The following PRDM16 variants were observed in gnomAD, a reference collection of about 807,000 sequenced individuals.
PRDM16 encodes the protein PR/SET domain 16, also known as histone-lysine N-methyltransferase PRDM16.
In PRDM16, 23 loss-of-function variants were observed where a neutral mutation model predicts 110.6. The observed-to-expected ratio is 0.21, with a 90% CI of 0.15 to 0.29. PRDM16 has a LOEUF of 0.29. Among genes scored for constraint, PRDM16 ranks in the 10% least tolerant of loss-of-function variants. PRDM16 has a pLI of 1.00. For synonymous variants in PRDM16, 799 were observed against 781.8 expected (o/e 1.02, Z -0.37); for missense variants, 1,615 against 1,794.3 (o/e 0.90, Z 1.81).
intron 2 of PRDM16, among the ~76,000 whole-genome samples, chr1:3,225,571 T>C (rs55938238): frequency 0.12 from 12,918 of 107,082 alleles, 743 homozygotes; most frequent in African/African-American, 0.22. Flanking sequence ...TGTGTGTGTG[T>C]GTGCGCGCGC....
rs1638747410 is a variant in PRDM16, at chr1:3,206,081, C to G, written c.387+19607C>G. 1 of 152,316 alleles carries G rather than the reference C, an allele frequency of 6.6e-6. No homozygotes were observed. Among genetic ancestry groups the G allele is most frequent in the Non-Finnish European group, 1.5e-5 (1 of 68,100 alleles). 9.4% of individuals were successfully genotyped at this position (152,316 alleles called of 1,614,324 possible). On this transcript the variant is annotated intron_variant, in intron 2 of 16. Coordinates refer to ENST00000270722, the MANE Select transcript of PRDM16 (RefSeq NM_022114.4). This position sits in a 1 kb window ranked among gnomAD's most constrained non-coding sequence, Gnocchi z 4.9. ...CTACCTGCGTTCCCCATGACCGGTG[C>G]TCACAACAGAGGTGCCCCAACTAGT...
chr1:3,411,760 C>T lies in PRDM16; in HGVS notation c.1563C>T (p.Ser521=). ...GCTTCCCGGGCATCTTCCCTCCATC[C>T]TTGTACCCCCGGCCGCCTCTGCTAC... ...TPGFPGIFPP[S]LYPRPPLLPP... The change falls in exon 9 of 17, where the codon TCC becomes TCT. Residue 521 remains serine (S), a synonymous_variant. Coordinates refer to ENST00000270722, the MANE Select transcript of PRDM16 (RefSeq NM_022114.4). 1 of 1,612,086 alleles carries T rather than the reference C, an allele frequency of 6.2e-7. No individual in the cohort carries two copies. Among genetic ancestry groups the T allele is most frequent in the Non-Finnish European group, 8.5e-7 (1 of 1,179,546 alleles).
chr1:3,328,289 G>T (rs1436591207), intron 3 of PRDM16, among the ~76,000 whole-genome samples: 1 of 152,236 alleles, frequency 6.6e-6, no homozygotes, highest in African/African-American at 2.4e-5. Context: ...AGATAATTCT[G>T]TTGTGGGGAG....
chr1:3,091,894 G>A (rs1297121362), intron 1 of PRDM16, among the ~76,000 whole-genome samples: 1 of 152,200 alleles, frequency 6.6e-6, no homozygotes, highest in African/African-American at 2.4e-5. Flanking sequence ...TGGACAGTTC[G>A]CAGGTGGTCA....
intron 1 of PRDM16, among the ~76,000 whole-genome samples, chr1:3,097,340 T>C (rs1642428340): frequency 6.6e-6 from 1 of 152,204 alleles, no homozygotes; most frequent in Non-Finnish European, 1.5e-5. Context: ...TGCCGAGGGC[T>C]GCATCTCCAA....
intron 3 of PRDM16, among the ~76,000 whole-genome samples, chr1:3,267,157 C>T (rs1301249430): frequency 2.0e-5 from 3 of 152,186 alleles, no homozygotes; most frequent in Non-Finnish European, 2.9e-5. Flanking sequence ...ACCCTGTACC[C>T]GTGAGCAGCC....
At chr1:3,112,435 A>C (rs1201681499) in intron 1 of PRDM16, among the ~76,000 whole-genome samples, 2 of 152,172 alleles carry the variant, frequency 1.3e-5, no homozygotes, top group Non-Finnish European at 2.9e-5. Context: ...TCTTTTTTCA[A>C]GTAAGAGGAG....
At chr1:3,298,078 G>A (rs771594939) in intron 3 of PRDM16, among the ~76,000 whole-genome samples, 1 of 152,224 alleles carries the variant, frequency 6.6e-6, no homozygotes, top group East Asian at 1.9e-4. Context: ...CAGGGCGATG[G>A]AAGTTCCAAG....
At chr1:3,207,392 A>G (rs1638778294) in intron 2 of PRDM16, 2 of 152,218 alleles carry the variant, frequency 1.3e-5, no homozygotes, top group Admixed American at 1.3e-4. Context: ...TGCTTCCCCC[A>G]GAGGCCAGAG....
At chr1:3,202,062 C>T (rs927115524) in intron 2 of PRDM16, among the ~76,000 whole-genome samples, 1 of 152,186 alleles carries the variant, frequency 6.6e-6, no homozygotes, top group Non-Finnish European at 1.5e-5. Context: ...GGGCTTTCCA[C>T]CTGCCTCAGG....
intron 1 of PRDM16, among the ~76,000 whole-genome samples, chr1:3,101,411 C>T (rs929343293): frequency 2.6e-5 from 4 of 152,236 alleles, no homozygotes; most frequent in African/African-American, 9.6e-5. Context: ...AATTCCCCCT[C>T]GTTTTCTAAA....
chr1:3,069,346 GGGCCGGGGC>G lies in PRDM16; in HGVS notation c.37+52_37+60del. On this transcript the variant is annotated intron_variant, in intron 1 of 16. Coordinates refer to ENST00000270722, the MANE Select transcript of PRDM16 (RefSeq NM_022114.4). This position sits in a 1 kb window ranked among gnomAD's most constrained non-coding sequence, Gnocchi z 6.1. ...CCGCGCCGCCGGGGCCCGGGCCGCC[GGGCCGGGGC>G]GCCCGGGCCAGGGGTGCGCGTCGGG... 1 of 960,102 alleles carries G rather than the reference GGGCCGGGGC, an allele frequency of 1.0e-6. No individual in the cohort carries two copies. The highest frequency in any genetic ancestry group is 1.3e-6 in the Non-Finnish European group (1 of 797,868). 59.5% of individuals were successfully genotyped at this position (960,102 alleles called of 1,614,324 possible).
intron 3 of PRDM16, among the ~76,000 whole-genome samples, chr1:3,374,053 C>T (rs1569601272): frequency 6.6e-6 from 1 of 152,332 alleles, no homozygotes; most frequent in South Asian, 2.1e-4. Flanking sequence ...GGATGGAGGT[C>T]CCCATACCCT....
At chr1:3,323,930 C>T (rs371662766) in intron 3 of PRDM16, among the ~76,000 whole-genome samples, 126 of 152,316 alleles carry the variant, frequency 8.3e-4, no homozygotes, top group African/African-American at 2.8e-3. Flanking sequence ...TTGCGGGCAG[C>T]GGACGGGGCT....
chr1:3,269,815 T>TCCCAGAGGAG, intron 3 of PRDM16, among the ~76,000 whole-genome samples: 1 of 86,342 alleles, frequency 1.2e-5, no homozygotes, highest in African/African-American at 7.5e-5. Context: ...TCCCAGAGAA[T>TCCCAGAGGAG]GACAGGGAGG....
intron 1 of PRDM16, among the ~76,000 whole-genome samples, chr1:3,181,664 A>AGAAG (rs1644196544): frequency 1.8e-5 from 2 of 113,882 alleles, no homozygotes; most frequent in Non-Finnish European, 3.5e-5. Context: ...ACGGTCTTAC[A>AGAAG]CAGTCTTACA....
chr1:3,117,343 C>A (rs1029473684), intron 1 of PRDM16, among the ~76,000 whole-genome samples: 3 of 152,152 alleles, frequency 2.0e-5, no homozygotes, highest in African/African-American at 7.2e-5. Context: ...TGGATTAGAC[C>A]GTGCAGGGAT....
intron 1 of PRDM16, among the ~76,000 whole-genome samples, chr1:3,184,008 T>C (rs1457040813): frequency 2.6e-5 from 4 of 151,986 alleles, no homozygotes; most frequent in South Asian, 2.1e-4. Flanking sequence ...CCCCCCCCAA[T>C]GTACCTTTCT....
chr1:3,114,175 GCACACACACGCA>G (rs1174246861), intron 1 of PRDM16, among the ~76,000 whole-genome samples: 1 of 112,892 alleles, frequency 8.9e-6, no homozygotes. Context: ...GCACACACAC[GCACACACACGCA>G]CACACGCACA....
Sources: gnomAD v4.1 joint callset for allele counts (sites outside exome capture counted in the v4.1 genomes callset) on GRCh38, gnomAD v4.1.1 for gene constraint, Gnocchi (gnomAD v3.1) non-coding constraint, MANE v1.5 for transcripts, NCBI Gene and HGNC (gene_info 2026-07-23, HGNC 2026-07-21) for gene names.